Variants in CEP290 observed in about 807,000 individuals in gnomAD.
CEP290 encodes centrosomal protein of 290 kDa.
A neutral mutation model predicts 344.9 loss-of-function variants in CEP290; 317 were observed. The observed-to-expected ratio is 0.92, with a 90% CI of 0.84 to 1.01. The LOEUF (loss-of-function observed/expected upper bound fraction) is 1.01, where lower values mean the gene tolerates loss of function less well. Ranked by LOEUF, CEP290 falls within the 50% of genes least tolerant of loss-of-function variation. CEP290 has a pLI of 0.00. For missense variants in CEP290, 2,754 were observed against 2,761.4 expected, an observed-to-expected ratio of 1.00 and a Z score of 0.06; for synonymous variants, 932 against 895.8, an observed-to-expected ratio of 1.04 and a Z score of -0.72.
rs2034338160 is a variant in CEP290, at chr12:88,059,977, C to A, written c.6566G>T (p.Ser2189Ile). 1.3e-6 allele frequency: 2 copies of A among 1,581,188 alleles called. No homozygotes were observed. Among genetic ancestry groups the A allele is most frequent in the Non-Finnish European group, 1.7e-6 (2 of 1,164,470 alleles). Residue 2189 changes from serine (S) to isoleucine (I), a missense_variant, in exon 48 of 54, where the codon AGC becomes ATC. Coordinates refer to ENST00000552810, the MANE Select transcript of CEP290 (RefSeq NM_025114.4). ...KLKAHLGHQL[S>I]MHYESKTKGT... ...TTTGGTCTTGGATTCATAGTGCATG[C>A]TCAACTGATGCCCAAGATGAGCTTT...
intron 37 of CEP290, 61 bp downstream of exon 37, chr12:88,082,968 ATG>A: frequency 1.0e-6 from 1 of 980,306 alleles, no homozygotes; most frequent in South Asian, 1.7e-5. Flanking sequence ...GCAAACACTT[ATG>A]TTTATCTTCA....
chr12:88,087,453 G>A (rs1278804714), intron 32 of CEP290, among the ~76,000 whole-genome samples: 1 of 151,952 alleles, frequency 6.6e-6, no homozygotes, highest in African/African-American at 2.4e-5. Flanking sequence ...AATCTTAGGG[G>A]CTCACGCCTG....
chr12:88,108,810 T>C (rs1427306442), intron 23 of CEP290, among the ~76,000 whole-genome samples: 3 of 152,136 alleles, frequency 2.0e-5, no homozygotes, highest in African/African-American at 7.2e-5. Context: ...ATAGGTAAGA[T>C]GACTTGCTCA....
In CEP290 at chr12:88,114,569, T is replaced by A; in HGVS notation, c.1910-7A>T. 1 of 1,530,622 alleles carries A rather than the reference T, an allele frequency of 6.5e-7. No homozygotes were observed. The highest frequency in any genetic ancestry group is 1.4e-5 in the African/African-American group (1 of 72,064). The allele number at this position is 1,530,622 out of a possible 1,614,324, so 94.8% of individuals were successfully genotyped here. A position where few individuals can be genotyped will look rare whatever the true frequency, so the allele number is the denominator to read the frequency against. On this transcript the variant is annotated splice_polypyrimidine_tract_variant and splice_region_variant and intron_variant, in intron 19 of 53. Transcript: ENST00000552810. ...TCTTCAACTAATTCTTTTACTGTAA[T>A]TACACAGTTTTCTCATTGGATGATC...
intron 5 of CEP290, among the ~76,000 whole-genome samples, chr12:88,137,493 T>C (rs2040410889): frequency 6.6e-6 from 1 of 152,166 alleles, no homozygotes; most frequent in South Asian, 2.1e-4. Flanking sequence ...ATCAAATCAT[T>C]TGGTCATCTA....
At chr12:88,133,174 C>T (rs1329777191) in intron 6 of CEP290, among the ~76,000 whole-genome samples, 1 of 148,896 alleles carries the variant, frequency 6.7e-6, no homozygotes, top group Non-Finnish European at 1.5e-5. Context: ...CTTCTGGGTT[C>T]AAGTCATTCT....
At chr12:88,072,345 CT>C (rs2035444648) in intron 41 of CEP290, among the ~76,000 whole-genome samples, 1 of 152,106 alleles carries the variant, frequency 6.6e-6, no homozygotes, top group Admixed American at 6.6e-5. Flanking sequence ...GAATTTTCCA[CT>C]TGTGGCATCA....
chr12:88,069,820 C>T (rs375669272), intron 43 of CEP290, among the ~76,000 whole-genome samples: 19 of 152,088 alleles, frequency 1.2e-4, no homozygotes, highest in African/African-American at 4.6e-4. Flanking sequence ...AGGGTAAATA[C>T]TGTCATATCC....
At chr12:88,139,439 T>C in intron 4 of CEP290, 56 bp downstream of exon 4, 2 of 1,223,276 alleles carry the variant, frequency 1.6e-6, no homozygotes, top group Non-Finnish European at 2.3e-6. Flanking sequence ...TACAGTTTAA[T>C]GAACAAATGG....
At chr12:88,061,959 A>C (rs912872874) in intron 46 of CEP290, among the ~76,000 whole-genome samples, 1 of 151,936 alleles carries the variant, frequency 6.6e-6, no homozygotes, top group African/African-American at 2.4e-5. Context: ...TCATATTTTT[A>C]GTAGAGATGG....
At chr12:88,067,410 G>C (rs1387568231) in intron 44 of CEP290, among the ~76,000 whole-genome samples, 6 of 152,106 alleles carry the variant, frequency 3.9e-5, no homozygotes. Context: ...AATAAAGGAC[G>C]GCCACGTAGC....
At chr12:88,068,712 A>T in intron 43 of CEP290, 67 bp from the exon 44 acceptor site, 24 of 1,483,488 alleles carry the variant, frequency 1.6e-5, no homozygotes, top group Non-Finnish European at 2.1e-5. Flanking sequence ...ACTATATAAA[A>T]ATACAAGATA....
intron 43 of CEP290, among the ~76,000 whole-genome samples, chr12:88,070,847 T>C (rs2035316700): frequency 6.6e-6 from 1 of 152,064 alleles, no homozygotes; most frequent in African/African-American, 2.4e-5. Context: ...GAGCTGCAAA[T>C]GTATGGATCG....
At position 88,131,167 on chromosome 12, in the gene CEP290, C is replaced by T; in HGVS notation, c.493G>A (p.Glu165Lys). 2 of 1,515,610 alleles carry T rather than the reference C, an allele frequency of 1.3e-6. No homozygotes were observed. The highest frequency in any genetic ancestry group is 1.4e-5 in the South Asian group (1 of 73,602). 93.9% of individuals were successfully genotyped at this position (1,515,610 alleles called of 1,614,324 possible). A position where few individuals can be genotyped will look rare whatever the true frequency, so the allele number is the denominator to read the frequency against. Residue 165 changes from glutamate (E) to lysine (K), a missense_variant and splice_region_variant, in exon 7 of 54, where the codon GAG (glutamate) becomes AAG (lysine). Transcript: ENST00000552810. Reference sequence around the variant, plus strand: ...CCACAACTACTAAAATTTTTTACCTCTCTTCTTAATTTGCTGTTTTCATTT... The same window carrying T: ...CCACAACTACTAAAATTTTTTACCTTTCTTCTTAATTTGCTGTTTTCATTT... The part of the protein sequence containing the change: ...AENENSKLRR[E>K]NKRLKKKNEQ...
chr12:88,119,490 C>T (rs2039270031), intron 15 of CEP290, among the ~76,000 whole-genome samples: 1 of 152,088 alleles, frequency 6.6e-6, no homozygotes, highest in Non-Finnish European at 1.5e-5. Flanking sequence ...AAATCAAGTA[C>T]TTAAAAATCT....
chr12:88,074,760 G>C (rs2035636176), intron 41 of CEP290, among the ~76,000 whole-genome samples: 1 of 152,092 alleles, frequency 6.6e-6, no homozygotes, highest in Admixed American at 6.5e-5. Flanking sequence ...AAGAAATACT[G>C]ATGTCATGAA....
rs1334379060 is a variant in CEP290, at chr12:88,093,780, T to A, written c.3299A>T (p.Lys1100Ile). The A allele has an allele frequency of 6.2e-7, 1 of 1,605,338 alleles. No homozygotes were observed. The highest frequency in any genetic ancestry group is 1.7e-5 in the Admixed American group (1 of 59,130). Reference protein sequence around the residue: ...MEERNFELETKFAELTKINLD... With the variant: ...MEERNFELETIFAELTKINLD... ...CTTATAATATCAAACCTCAGCAAAT[T>A]TGGTTTCCAATTCAAAATTACGTTC... Residue 1100 changes from lysine to isoleucine, a missense_variant, in exon 28 of 54, where the codon AAA becomes ATA. Transcript: ENST00000552810.
intron 44 of CEP290, 66 bp from the exon 45 acceptor site, chr12:88,064,181 G>A: frequency 7.5e-7 from 1 of 1,340,850 alleles, no homozygotes; most frequent in East Asian, 2.6e-5. Flanking sequence ...AAGACATACT[G>A]GATAAGAAAA....
chr12:88,090,775 T>C lies in CEP290; in HGVS notation c.3526A>G (p.Arg1176Gly). The C allele has an allele frequency of 6.4e-7, 1 of 1,563,490 alleles. No homozygotes were observed. Among genetic ancestry groups the C allele is most frequent in the Non-Finnish European group, 8.7e-7 (1 of 1,151,826 alleles). ...CTGAGGGACTCTACTTCCTTGTCCCTAGATTGTTGTTGTGCATTCAAAATT... is the reference window on the plus strand; with the variant it reads ...CTGAGGGACTCTACTTCCTTGTCCCCAGATTGTTGTTGTGCATTCAAAATT... The part of the protein sequence containing the change: ...VEILNAQQQS[R>G]DKEVESLRMQ... The change falls in exon 30 of 54, where the codon AGG becomes GGG. Residue 1176 changes from arginine to glycine, a missense_variant. By Grantham distance (125) the Arg-to-Gly change is moderately radical. Coordinates refer to ENST00000552810, the MANE Select transcript of CEP290 (RefSeq NM_025114.4).
Sources: allele counts gnomAD v4.1 joint callset (sites outside exome capture counted in the v4.1 genomes callset), GRCh38; gene constraint gnomAD v4.1.1; transcripts MANE v1.5; gene names NCBI Gene and HGNC (gene_info 2026-07-23, HGNC 2026-07-21).